Variants in FAM168A observed in about 807,000 individuals in gnomAD.
The protein encoded by FAM168A is family with sequence similarity 168 member A.
Under a neutral mutation model 28.5 loss-of-function variants are expected in FAM168A, and 3 were observed. The observed-to-expected ratio is 0.11, with a 90% CI of 0.05 to 0.27. FAM168A has a LOEUF of 0.27. Among genes scored for constraint, FAM168A ranks in the 10% least tolerant of loss-of-function variants. The pLI, the probability that FAM168A is intolerant of heterozygous loss-of-function variation, is 1.00. For synonymous variants in FAM168A, 122 were observed against 124.2 expected (o/e 0.98, Z 0.12); for missense variants, 222 against 311.5 (o/e 0.71, Z 2.16).
intron 1 of FAM168A, among the ~76,000 whole-genome samples, chr11:73,484,093 T>C (rs1868005891): frequency 6.6e-6 from 1 of 152,206 alleles, no homozygotes; most frequent in Admixed American, 6.5e-5. Flanking sequence ...TCCCTCCTTA[T>C]CTTCAGTCAA....
At chr11:73,547,867 A>G (rs79167148) in intron 1 of FAM168A, among the ~76,000 whole-genome samples, 2,719 of 152,100 alleles carry the variant, frequency 0.018, 66 homozygotes, top group African/African-American at 0.055. Flanking sequence ...AAAAAAACAC[A>G]TGGTATATAC....
Position 73,484,507 on chromosome 11 carries a change from GATATAT to G in FAM168A, c.-18-16021_-18-16016del, listed in dbSNP as rs1211070796. On this transcript the variant is annotated intron_variant, in intron 1 of 7. Coordinates refer to ENST00000356467, the MANE Select transcript of FAM168A (RefSeq NM_015159.3). Reference sequence around the variant, plus strand: ...AGGGGCAGAACTAAGAGGAGAGAGAGATATATATAGATATATATATCTATATATCTA... The same window carrying G: ...AGGGGCAGAACTAAGAGGAGAGAGAGATAGATATATATATCTATATATCTA... Among the ~76,000 whole-genome samples, 39 of 77,744 alleles carry G rather than the reference GATATAT, an allele frequency of 5.0e-4. 2 individuals carry two copies. The highest frequency in any genetic ancestry group is 1.2e-3 in the African/African-American group (21 of 17,548). 51.0% of individuals were successfully genotyped at this position (77,744 alleles called of 152,430 possible).
intron 2 of FAM168A, among the ~76,000 whole-genome samples, chr11:73,456,809 T>A (rs1048854935): frequency 6.6e-6 from 1 of 152,186 alleles, no homozygotes; most frequent in African/African-American, 2.4e-5. Context: ...GCTGGTAAAA[T>A]TTTCAGAGAA....
intron 1 of FAM168A, among the ~76,000 whole-genome samples, chr11:73,579,343 G>A (rs1015107245): frequency 2.0e-5 from 3 of 151,942 alleles, no homozygotes; most frequent in Non-Finnish European, 4.4e-5. Context: ...TCCATCTAAT[G>A]GATAGAGAAA....
intron 2 of FAM168A, among the ~76,000 whole-genome samples, chr11:73,438,421 G>C (rs1867131905): frequency 1.3e-5 from 2 of 152,040 alleles, no homozygotes; most frequent in African/African-American, 4.8e-5. Flanking sequence ...GGAGGGGGCA[G>C]GAACAAAGAA....
At chr11:73,544,645 AT>A (rs1384344693) in intron 1 of FAM168A, among the ~76,000 whole-genome samples, 1 of 138,722 alleles carries the variant, frequency 7.2e-6, no homozygotes, top group Non-Finnish European at 1.5e-5. Context: ...CCTTGAAAAA[AT>A]ATATACAATT....
intron 3 of FAM168A, chr11:73,424,933 T>C (rs754127041): frequency 9.7e-5 from 108 of 1,115,466 alleles, no homozygotes; most frequent in African/African-American, 9.2e-4. Flanking sequence ...GGGATGGGAT[T>C]TGGGGAGGAG....
intron 1 of FAM168A, among the ~76,000 whole-genome samples, chr11:73,469,429 T>C (rs1460282309): frequency 6.6e-6 from 1 of 152,236 alleles, no homozygotes; most frequent in Non-Finnish European, 1.5e-5. Context: ...TTAACTTCTC[T>C]TGTATCACTT....
rs781171212 is a variant in FAM168A, at chr11:73,402,918, C to T, written c.*3845G>A. The T allele has an allele frequency of 1.3e-5, 2 of 152,232 alleles. No individual in the cohort carries two copies. The highest frequency in any genetic ancestry group is 2.9e-5 in the Non-Finnish European group (2 of 68,078). The allele number at this position is 152,232 out of a possible 1,614,324, so 9.4% of individuals were successfully genotyped here. ...TCAGCTCAGAGACTGGGCTTCCCAG[C>T]TCTATAAAGTACAGTTAGCCCCTCC... On this transcript the variant is annotated 3_prime_UTR_variant, in exon 8 of 8. Transcript: ENST00000356467.
chr11:73,497,426 C>T (rs369908802), intron 1 of FAM168A, among the ~76,000 whole-genome samples: 11 of 151,264 alleles, frequency 7.3e-5, no homozygotes, highest in Admixed American at 2.6e-4. Flanking sequence ...TCCAGCCTGG[C>T]GACAGAGAGT....
chr11:73,437,130 GCT>G (rs1315579127), intron 2 of FAM168A, among the ~76,000 whole-genome samples: 2 of 151,134 alleles, frequency 1.3e-5, no homozygotes, highest in Non-Finnish European at 2.9e-5. Context: ...ACGGAGTCTT[GCT>G]CTGTCTCCAG....
intron 1 of FAM168A, among the ~76,000 whole-genome samples, chr11:73,484,522 A>ATCTATATATCTATC (rs1182048611): frequency 0.25 from 35,034 of 142,606 alleles, 4,791 homozygotes; most frequent in South Asian, 0.35. Context: ...ATATAGATAT[A>ATCTATATATCTATC]TATATCTATA....
At chr11:73,453,466 C>T (rs1251201800) in intron 2 of FAM168A, among the ~76,000 whole-genome samples, 2 of 152,176 alleles carry the variant, frequency 1.3e-5, no homozygotes, top group African/African-American at 2.4e-5. Context: ...TCTCAACAGC[C>T]TCCTGGGGAC....
At chr11:73,560,233 C>T (rs961657335) in intron 1 of FAM168A, among the ~76,000 whole-genome samples, 23 of 144,542 alleles carry the variant, frequency 1.6e-4, no homozygotes, top group African/African-American at 5.8e-4. Flanking sequence ...CCATGCCTGG[C>T]TTTTTTTTTT....
intron 3 of FAM168A, among the ~76,000 whole-genome samples, chr11:73,427,288 G>C: frequency 6.6e-6 from 1 of 150,566 alleles, no homozygotes; most frequent in Non-Finnish European, 1.5e-5. Context: ...ACTGCGCCCA[G>C]CCTGGAAATA....
At chr11:73,585,132 A>C (rs944582623) in intron 1 of FAM168A, among the ~76,000 whole-genome samples, 1 of 152,238 alleles carries the variant, frequency 6.6e-6, no homozygotes, top group African/African-American at 2.4e-5. Flanking sequence ...AAACCAATAA[A>C]GTCAGCGCTT....
intron 1 of FAM168A, among the ~76,000 whole-genome samples, chr11:73,564,742 CAAAAAAAAA>C (rs1294055661): frequency 2.0e-5 from 1 of 50,166 alleles, no homozygotes; most frequent in Non-Finnish European, 4.0e-5. Flanking sequence ...GACTCCGTCA[CAAAAAAAAA>C]AAAAAAAAAA....
At chr11:73,496,560 G>GT (rs1854880531) in intron 1 of FAM168A, among the ~76,000 whole-genome samples, 1 of 151,988 alleles carries the variant, frequency 6.6e-6, no homozygotes, top group African/African-American at 2.4e-5. Flanking sequence ...TGTTTGTTTG[G>GT]TTGGTTGGTT....
At chr11:73,557,679 A>G (rs1943906007) in intron 1 of FAM168A, among the ~76,000 whole-genome samples, 1 of 152,210 alleles carries the variant, frequency 6.6e-6, no homozygotes, top group South Asian at 2.1e-4. Flanking sequence ...TCATATTCAC[A>G]TGGAATTGCA....
Sources: gnomAD v4.1 joint callset for allele counts (sites outside exome capture counted in the v4.1 genomes callset) on GRCh38, gnomAD v4.1.1 for gene constraint, MANE v1.5 for transcripts, NCBI Gene and HGNC (gene_info 2026-07-23, HGNC 2026-07-21) for gene names.